Variants in POU2F2 observed in about 807,000 individuals in gnomAD.
POU2F2 encodes the protein POU class 2 homeobox 2.
A neutral mutation model predicts 63.5 loss-of-function variants in POU2F2; 14 were observed. The observed-to-expected ratio is 0.22, with a 90% confidence interval of 0.15 to 0.34. POU2F2 has a LOEUF of 0.34. POU2F2 is among the 10% of genes least tolerant of loss of function. The pLI is 1.00. For missense variants in POU2F2, 607 were observed against 815.2 expected (o/e 0.74, Z 3.11); for synonymous variants, 306 against 348.6 (o/e 0.88, Z 1.36).
intron 1 of POU2F2, among the ~76,000 whole-genome samples, chr19:42,182,611 G>A (rs990562811): frequency 6.6e-5 from 10 of 152,160 alleles, no homozygotes; most frequent in Admixed American, 3.3e-4. Context: ...GAAGGTGTTC[G>A]AGTCGGAGGA....
rs2076638544 is a variant in POU2F2 at position 42,089,207 on chromosome 19, A to G, written c.*2050T>C. 6.6e-6 allele frequency: 1 copy of G among 152,166 alleles called. No individual in the cohort carries two copies. Among genetic ancestry groups the G allele is most frequent in the African/African-American group, 2.4e-5 (1 of 41,308 alleles). The allele number at this position is 152,166 out of a possible 1,614,324, so 9.4% of individuals were successfully genotyped here. ...ACAGAAAGAACAAGATTGAGAGAGAAGAGAGGAGAGCAAAGGGAGAGAGAG... is the reference window on the plus strand; with the variant it reads ...ACAGAAAGAACAAGATTGAGAGAGAGGAGAGGAGAGCAAAGGGAGAGAGAG... On this transcript the variant is annotated 3_prime_UTR_variant, in exon 15 of 15. Transcript: ENST00000692977.
At chr19:42,196,643 A>AG (rs1044086021), upstream of POU2F2, 3 of 152,312 alleles carry the variant, frequency 2.0e-5, no homozygotes, top group Non-Finnish European at 4.4e-5. Context: ...CGATGCTCCC[A>AG]GGGTTGTCCT....
In POU2F2 at chr19:42,131,853, G is replaced by A. The variant is rs1385291350; in HGVS notation, c.28+531C>T. Among the ~76,000 whole-genome samples, 6 of 152,004 alleles carry A rather than the reference G, an allele frequency of 3.9e-5. No individual in the cohort carries two copies. In the East Asian group the frequency reaches 1.2e-3, roughly 29 times the overall value. On this transcript the variant is annotated intron_variant, in intron 1 of 14. Transcript: ENST00000692977. ...GTGAATGAAGTGAAGAAGGGAGCCA[G>A]GCAATCATCACCCCACAATGCCACA...
upstream of POU2F2, among the ~76,000 whole-genome samples, chr19:42,197,855 C>A (rs2035169801): frequency 6.6e-6 from 1 of 152,100 alleles, no homozygotes; most frequent in African/African-American, 2.4e-5. Flanking sequence ...TTGGGTGTAG[C>A]TGGCCCACCT....
At position 42,092,195 on chromosome 19, in the gene POU2F2, GCCCCGC is replaced by G; in HGVS notation, c.1334_1339del (p.Gly445_Gly446del). The G allele has an allele frequency of 6.5e-7, 1 of 1,544,960 alleles. No homozygotes were observed. Among genetic ancestry groups the G allele is most frequent in the East Asian group, 2.4e-5 (1 of 41,916 alleles). ...GGGGATGGAATTGAGGGGGGGCGCA[GCCCCGC>G]CCCCGCCCCCACCCCCTCCAGCTGT... On this transcript the variant is annotated inframe_deletion, in exon 13 of 15. Transcript: ENST00000692977. The surrounding 1 kb of genome is among the most constrained non-coding windows in gnomAD (Gnocchi z 5.0).
At chr19:42,094,084 C>A (rs1439661670) in intron 11 of POU2F2, among the ~76,000 whole-genome samples, 189 bp from the exon 12 acceptor site, 2 of 152,224 alleles carry the variant, frequency 1.3e-5, no homozygotes, top group Non-Finnish European at 2.9e-5. Flanking sequence ...GCAGGAAGGG[C>A]TAATTCTCCA....
intron 5 of POU2F2, among the ~76,000 whole-genome samples, chr19:42,107,630 G>A (rs1482969717): frequency 6.6e-6 from 1 of 152,186 alleles, no homozygotes; most frequent in African/African-American, 2.4e-5. Context: ...CTATATTCAT[G>A]ATAGAGGGAC....
chr19:42,180,017 C>T (rs1251474567), upstream of POU2F2, among the ~76,000 whole-genome samples: 1 of 152,164 alleles, frequency 6.6e-6, no homozygotes, highest in Non-Finnish European at 1.5e-5. Flanking sequence ...GGGATCCACA[C>T]AGTGTGTTCA....
At chr19:42,132,587 A>G (rs562397436), upstream of POU2F2, 17 of 502,788 alleles carry the variant, frequency 3.4e-5, no homozygotes, top group African/African-American at 2.0e-4. Flanking sequence ...GCCCACCCCA[A>G]ATCATGTGTG....
intron 2 of POU2F2, among the ~76,000 whole-genome samples, chr19:42,139,373 C>T (rs1178093244): frequency 2.0e-5 from 3 of 152,186 alleles, no homozygotes; most frequent in African/African-American, 7.2e-5. Context: ...CTGAAATTCG[C>T]CCTCTAGTGA....
intron 5 of POU2F2, among the ~76,000 whole-genome samples, chr19:42,105,575 C>T (rs2077306240): frequency 6.6e-6 from 1 of 152,162 alleles, no homozygotes; most frequent in East Asian, 1.9e-4. Context: ...GGGTTTCGTT[C>T]TGAATCACCA....
chr19:42,117,129 G>A lies in POU2F2; in HGVS notation c.369+121C>T. On this transcript the variant is annotated intron_variant, in intron 5 of 14. Coordinates refer to ENST00000692977, the MANE Select transcript of POU2F2 (RefSeq NM_001394376.1). The surrounding 1 kb of genome is among the most constrained non-coding windows in gnomAD (Gnocchi z 4.4). ...CAAGACCTCCTAGAGGACAGAAGAG[G>A]GCAAGAGGCAGGTGTGAGAGAGTGG... 1.2e-6 allele frequency: 1 copy of A among 833,814 alleles called. No individual in the cohort carries two copies. The highest frequency in any genetic ancestry group is 1.9e-6 in the Non-Finnish European group (1 of 525,084). The allele number at this position is 833,814 out of a possible 1,614,324, so 51.7% of individuals were successfully genotyped here. A position where few individuals can be genotyped will look rare whatever the true frequency, so the allele number is the denominator to read the frequency against.
chr19:42,086,262 G>A lies in POU2F2; in HGVS notation c.*4995C>T, dbSNP rs552602338. 1.3e-5 allele frequency: 2 copies of A among 152,238 alleles called. No homozygotes were observed. The highest frequency in any genetic ancestry group is 2.9e-5 in the Non-Finnish European group (2 of 68,020). 9.4% of individuals were successfully genotyped at this position (152,238 alleles called of 1,614,324 possible). A position where few individuals can be genotyped will look rare whatever the true frequency, so the allele number is the denominator to read the frequency against. ...GTTAAGAACACTGAAACACTAACCC[G>A]CTACCACGAGAAGAGACGGAGGGGG... is the stretch of plus-strand genomic sequence containing the variant. On this transcript the variant is annotated 3_prime_UTR_variant, in exon 15 of 15. Coordinates refer to ENST00000692977, the MANE Select transcript of POU2F2 (RefSeq NM_001394376.1).
intron 2 of POU2F2, among the ~76,000 whole-genome samples, chr19:42,140,226 C>T (rs1312264558): frequency 1.3e-5 from 2 of 152,162 alleles, no homozygotes; most frequent in African/African-American, 4.8e-5. Flanking sequence ...TTGCTGCTGC[C>T]CCCAGGCTTT....
At chr19:42,149,222 G>A (rs1163479909) in intron 2 of POU2F2, among the ~76,000 whole-genome samples, 1 of 152,160 alleles carries the variant, frequency 6.6e-6, no homozygotes, top group African/African-American at 2.4e-5. Context: ...CAGCGCGTCT[G>A]TGGCAGACAG....
chr19:42,171,469 T>C (rs551411147), intron 1 of POU2F2, among the ~76,000 whole-genome samples: 110 of 148,576 alleles, frequency 7.4e-4, no homozygotes, highest in African/African-American at 2.4e-3. Context: ...TGTGTGTGTG[T>C]GCACTTTAAT....
At chr19:42,113,342 G>A (rs530727796) in intron 5 of POU2F2, among the ~76,000 whole-genome samples, 4 of 152,162 alleles carry the variant, frequency 2.6e-5, no homozygotes, top group Admixed American at 6.5e-5. Context: ...TCATTGATTC[G>A]GTAAATATCC....
chr19:42,181,189 C>T (rs1005169042), intron 1 of POU2F2, among the ~76,000 whole-genome samples: 5 of 152,236 alleles, frequency 3.3e-5, no homozygotes, highest in African/African-American at 1.2e-4. Context: ...TAGGGCTCCG[C>T]CCAGCCCCGA....
At chr19:42,143,361 GA>G (rs1478009983) in intron 2 of POU2F2, among the ~76,000 whole-genome samples, 7 of 151,900 alleles carry the variant, frequency 4.6e-5, no homozygotes, top group African/African-American at 1.7e-4. Context: ...CAAAAAAAAA[GA>G]AAAAATTCAT....
Sources: gnomAD v4.1 joint callset for allele counts (sites outside exome capture counted in the v4.1 genomes callset) on GRCh38, gnomAD v4.1.1 for gene constraint, Gnocchi (gnomAD v3.1) non-coding constraint, MANE v1.5 for transcripts, NCBI Gene and HGNC (gene_info 2026-07-23, HGNC 2026-07-21) for gene names.